FAM13B: variants seen among roughly 807,000 people sequenced by gnomAD.
The protein encoded by FAM13B is family with sequence similarity 13 member B, also known as protein FAM13B.
Under a neutral mutation model 117.3 loss-of-function variants are expected in FAM13B, and 60 were observed. That is an observed-to-expected ratio of 0.51 (90% CI 0.42 to 0.63). The LOEUF is 0.63. FAM13B is among the 30% of genes least tolerant of loss of function. The pLI, the probability that FAM13B is intolerant of heterozygous loss-of-function variation, is 0.00. For missense variants in FAM13B, 972 were observed against 1,091.9 expected, an observed-to-expected ratio of 0.89 and a Z score of 1.55; for synonymous variants, 332 against 356.1, an observed-to-expected ratio of 0.93 and a Z score of 0.76.
intron 10 of FAM13B, among the ~76,000 whole-genome samples, chr5:137,965,761 C>T (rs1318634918): frequency 2.6e-5 from 4 of 152,132 alleles, no homozygotes; most frequent in African/African-American, 9.7e-5. Flanking sequence ...TCTTGACTAT[C>T]TACTAGAGTT....
At chr5:138,046,161 T>C (rs1029371918) in intron 1 of FAM13B, among the ~76,000 whole-genome samples, 1 of 152,168 alleles carries the variant, frequency 6.6e-6, no homozygotes, top group East Asian at 1.9e-4. Context: ...GCTCTCTCTT[T>C]GCTTGCTGCC....
At chr5:137,987,384 GTTAT>G (rs1777506219) in intron 9 of FAM13B, 73 bp downstream of exon 9, 1 of 1,276,636 alleles carries the variant, frequency 7.8e-7, no homozygotes, top group Non-Finnish European at 1.1e-6. Flanking sequence ...ATGAGATCCT[GTTAT>G]TTAAGTAGCA....
intron 7 of FAM13B, among the ~76,000 whole-genome samples, chr5:137,994,950 C>T (rs983687079): frequency 6.6e-6 from 1 of 152,186 alleles, no homozygotes; most frequent in Non-Finnish European, 1.5e-5. Flanking sequence ...TTTAATGCTA[C>T]AAACGATATT....
intron 17 of FAM13B, among the ~76,000 whole-genome samples, chr5:137,951,235 GA>G (rs1733911652): frequency 8.8e-6 from 1 of 113,276 alleles, no homozygotes; most frequent in African/African-American, 3.0e-5. Flanking sequence ...AAAAAAAAAG[GA>G]GAGAGAGAGA....
chr5:137,958,081 C>T (rs1202856857), intron 13 of FAM13B, among the ~76,000 whole-genome samples: 1 of 152,188 alleles, frequency 6.6e-6, no homozygotes, highest in African/African-American at 2.4e-5. Context: ...TATCAGAATC[C>T]AAGCTGCTTC....
chr5:137,975,980 CTT>C lies in FAM13B; in HGVS notation c.1179+9275_1179+9276del, dbSNP rs57478594. Among the ~76,000 whole-genome samples, 55 of 110,190 alleles carry C rather than the reference CTT, an allele frequency of 5.0e-4. 1 individual carries two copies. Among genetic ancestry groups the C allele is most frequent in the South Asian group, 1.6e-3 (6 of 3,722 alleles). 72.3% of individuals were successfully genotyped at this position (110,190 alleles called of 152,430 possible). A position where few individuals can be genotyped will look rare whatever the true frequency, so the allele number is the denominator to read the frequency against. ...CCACAACCAGACTGCTCAACTCTTC[CTT>C]TTTTTTTTTTTTTGAGACAGTCTTG... On this transcript the variant is annotated intron_variant, in intron 10 of 23. Coordinates refer to ENST00000689681, the MANE Select transcript of FAM13B (RefSeq NM_001385994.1).
intron 1 of FAM13B, among the ~76,000 whole-genome samples, chr5:138,032,404 TGAAG>T (rs1198332660): frequency 6.6e-6 from 1 of 152,114 alleles, no homozygotes; most frequent in African/African-American, 2.4e-5. Context: ...CTGCCCAGCA[TGAAG>T]GAAGTGGGCG....
At chr5:138,034,499 C>T (rs1790877505), upstream of FAM13B, among the ~76,000 whole-genome samples, 1 of 152,168 alleles carries the variant, frequency 6.6e-6, no homozygotes, top group Non-Finnish European at 1.5e-5. Flanking sequence ...AAGGGATTGT[C>T]CAAGGCATAT....
Position 137,942,028 on chromosome 5 carries a change from T to C in FAM13B, c.2606A>G (p.Gln869Arg). The C allele has an allele frequency of 6.2e-7, 1 of 1,613,958 alleles. No individual in the cohort carries two copies. Among genetic ancestry groups the C allele is most frequent in the East Asian group, 2.2e-5 (1 of 44,872 alleles). Residue 869 changes from glutamine to arginine, a missense_variant, in exon 23 of 24, where the codon CAA (glutamine) becomes CGA (arginine). By Grantham distance (43) the Gln-to-Arg change is conservative. Coordinates refer to ENST00000689681, the MANE Select transcript of FAM13B (RefSeq NM_001385994.1). ...RAASMPELLE[Q>R]LWKARAEKKK... ...TTTTTCAGCTCTGGCTTTCCAAAGT[T>C]GTTCCAATAATTCAGGCCTAGAATT...
intron 7 of FAM13B, among the ~76,000 whole-genome samples, chr5:138,002,057 G>A (rs1781402015): frequency 6.6e-6 from 1 of 152,130 alleles, no homozygotes; most frequent in African/African-American, 2.4e-5. Flanking sequence ...CCAAAGGAAT[G>A]AAACGCTCTT....
intron 1 of FAM13B, among the ~76,000 whole-genome samples, chr5:138,021,649 T>C (rs377127352): frequency 1.4e-4 from 22 of 152,300 alleles, no homozygotes; most frequent in Middle Eastern, 3.4e-3. Context: ...GTATACAACA[T>C]AGTGGTTGCC....
rs2150593090 is a variant in FAM13B, at chr5:137,987,464, T to C, written c.1043A>G (p.Asn348Ser). 6.2e-7 allele frequency: 1 copy of C among 1,608,120 alleles called. No individual in the cohort carries two copies. The highest frequency in any genetic ancestry group is 2.2e-5 in the East Asian group (1 of 44,734). The change falls in exon 9 of 24, where the codon AAC becomes AGC. Residue 348 changes from asparagine (N) to serine (S), a missense_variant. Asn to Ser is a conservative substitution (Grantham distance 46). Transcript: ENST00000689681. ...SIHCDGEGSN[N>S]QIDIADDIIN... ...ACAACAGTAAAATGTTTCTTACTGG[T>C]TATTAGATCCTTCCCCATCACAATG...
chr5:137,968,185 G>A (rs964059299), intron 10 of FAM13B, among the ~76,000 whole-genome samples: 18 of 143,006 alleles, frequency 1.3e-4, no homozygotes, highest in African/African-American at 4.7e-4. Context: ...TCACGCCATT[G>A]CACTCCAATC....
chr5:137,994,719 A>G (rs1009620779), intron 7 of FAM13B, among the ~76,000 whole-genome samples: 1 of 152,230 alleles, frequency 6.6e-6, no homozygotes, highest in African/African-American at 2.4e-5. Flanking sequence ...CAGGGGACAT[A>G]TATATTTTAA....
At chr5:138,036,459 G>A (rs1165355564), upstream of FAM13B, 7 of 456,718 alleles carry the variant, frequency 1.5e-5, no homozygotes, top group Non-Finnish European at 3.1e-5. Context: ...GTGGGAGTCA[G>A]ACACAGGCCC....
Position 138,002,851 on chromosome 5 carries a change from T to TTAAAA in FAM13B, c.848+4138_848+4139insTTTTA, listed in dbSNP as rs1464287892. On this transcript the variant is annotated intron_variant, in intron 7 of 23. Transcript: ENST00000689681. ...CGGCTAATTTTTTTTTTTTTTTGTA[T>TTAAAA]TTTTAGTAGAGACGGGGTTTCACCA... Among the ~76,000 whole-genome samples the TTAAAA allele has an allele frequency of 6.6e-5, 10 of 150,694 alleles. No individual in the cohort carries two copies. The East Asian group carries it at 2.0e-3, about 30-fold the overall frequency.
chr5:137,983,509 G>A (rs1404637196), intron 10 of FAM13B, among the ~76,000 whole-genome samples: 1 of 152,138 alleles, frequency 6.6e-6, no homozygotes, highest in Non-Finnish European at 1.5e-5. Flanking sequence ...GGGATGGGGG[G>A]AGTCGAGAGA....
chr5:137,958,272 G>A (rs1767139325), intron 13 of FAM13B, among the ~76,000 whole-genome samples: 2 of 152,126 alleles, frequency 1.3e-5, no homozygotes, highest in African/African-American at 4.8e-5. Flanking sequence ...GAATAACCCA[G>A]AACAAAGCAA....
At chr5:137,954,104 C>T in intron 15 of FAM13B, 62 bp downstream of exon 15, 10 of 841,706 alleles carry the variant, frequency 1.2e-5, no homozygotes, top group South Asian at 2.0e-5. Context: ...AAGACTAAAT[C>T]TCTCAAAAGA....
Sources: allele counts gnomAD v4.1 joint callset (sites outside exome capture counted in the v4.1 genomes callset), GRCh38; gene constraint gnomAD v4.1.1; transcripts MANE v1.5; gene names NCBI Gene and HGNC (gene_info 2026-07-23, HGNC 2026-07-21).